The following SOX5 variants were observed in gnomAD, a reference collection of about 807,000 sequenced individuals.
SOX5 encodes the protein SRY-box transcription factor 5.
Under a neutral mutation model 92.0 loss-of-function variants are expected in SOX5, and 9 were observed. The observed-to-expected ratio is 0.10, with a 90% CI of 0.06 to 0.17. The LOEUF (loss-of-function observed/expected upper bound fraction) is 0.17, where lower values mean the gene tolerates loss of function less well. Ranked by LOEUF, SOX5 falls within the 10% of genes least tolerant of loss-of-function variation. The probability of loss-of-function intolerance (pLI) is 1.00; values close to 1 mark genes in which losing one functional copy is unlikely to be tolerated. For missense variants in SOX5, 642 were observed against 944.5 expected (o/e 0.68, Z 4.20); for synonymous variants, 344 against 336.3 (o/e 1.02, Z -0.25).
intron 3 of SOX5, among the ~76,000 whole-genome samples, chr12:24,264,304 G>A (rs1273832137): frequency 1.3e-5 from 2 of 152,062 alleles, no homozygotes; most frequent in Non-Finnish European, 2.9e-5. Context: ...TTCTAAAATA[G>A]CTAGTAAATC....
rs200463768 is a variant in SOX5 at position 24,006,944 on chromosome 12, GCC to G, written c.-1-110922_-1-110921del. Among the ~76,000 whole-genome samples, 637 of 151,358 alleles carry G rather than the reference GCC, an allele frequency of 4.2e-3. 4 individuals carry two copies. Among genetic ancestry groups the G allele is most frequent in the Middle Eastern group, 0.01 (3 of 292 alleles). Reference sequence around the variant, plus strand: ...AGGTCAGGAATTCGAGACCAGCCTGGCCAACATGGTGAAACCCCGTGTCTACA... The same window carrying G: ...AGGTCAGGAATTCGAGACCAGCCTGGAACATGGTGAAACCCCGTGTCTACA... On this transcript the variant is annotated intron_variant, in intron 4 of 4. Transcript: ENST00000446891.
chr12:23,558,927 A>C (rs1945723260), intron 11 of SOX5, among the ~76,000 whole-genome samples: 1 of 152,172 alleles, frequency 6.6e-6, no homozygotes, highest in African/African-American at 2.4e-5. Context: ...AAGCTACTAC[A>C]TTCAGGTTTC....
chr12:24,299,343 C>A (rs1254796323), intron 2 of SOX5, among the ~76,000 whole-genome samples: 1 of 152,170 alleles, frequency 6.6e-6, no homozygotes, highest in Non-Finnish European at 1.5e-5. Context: ...TGGGAAAAAA[C>A]AGACCCAAGT....
intron 2 of SOX5, among the ~76,000 whole-genome samples, chr12:24,281,237 G>GAA (rs71448005): frequency 0.048 from 4,690 of 97,160 alleles, 161 homozygotes; most frequent in African/African-American, 0.1. Flanking sequence ...TTACCAAAAG[G>GAA]AAAAAAAAAA....
At chr12:24,185,442 A>G (rs1278800117) in intron 4 of SOX5, among the ~76,000 whole-genome samples, 1 of 152,124 alleles carries the variant, frequency 6.6e-6, no homozygotes, top group African/African-American at 2.4e-5. Flanking sequence ...CATAGCACTT[A>G]CCACATTCTA....
chr12:23,947,423 A>C (rs1944766439), intron 1 of SOX5, among the ~76,000 whole-genome samples: 1 of 151,966 alleles, frequency 6.6e-6, no homozygotes, highest in South Asian at 2.1e-4. Context: ...TAAATATTCA[A>C]TATTGTGTCT....
At chr12:23,905,731 T>C (rs1160217841) in intron 1 of SOX5, among the ~76,000 whole-genome samples, 7 of 152,170 alleles carry the variant, frequency 4.6e-5, no homozygotes, top group African/African-American at 1.4e-4. Context: ...TATGTACAAA[T>C]GTGCTTTCAT....
At chr12:24,239,632 G>T (rs1041313830) in intron 3 of SOX5, among the ~76,000 whole-genome samples, 10 of 152,120 alleles carry the variant, frequency 6.6e-5, no homozygotes, top group African/African-American at 2.4e-4. Context: ...TTATCTGGTC[G>T]CATTAAACTG....
chr12:24,208,418 T>C (rs1333164443), intron 4 of SOX5, among the ~76,000 whole-genome samples: 1 of 152,214 alleles, frequency 6.6e-6, no homozygotes, highest in Non-Finnish European at 1.5e-5. Flanking sequence ...TTATAGTCAC[T>C]ATTTTCCTTT....
intron 2 of SOX5, among the ~76,000 whole-genome samples, chr12:23,876,707 C>A (rs951342984): frequency 3.3e-5 from 5 of 152,132 alleles, no homozygotes; most frequent in African/African-American, 1.2e-4. Flanking sequence ...ATGTTTATTG[C>A]AGCACTATTC....
At chr12:24,530,103 TCAA>T (rs1377740146) in intron 1 of SOX5, among the ~76,000 whole-genome samples, 6 of 146,810 alleles carry the variant, frequency 4.1e-5, no homozygotes, top group Non-Finnish European at 6.0e-5. Context: ...CATAAACCCA[TCAA>T]CAAAAATAAC....
Position 24,511,883 on chromosome 12 carries a change from G to A in SOX5, c.-251+50446C>T, listed in dbSNP as rs373196597. ...TGAGGCAGGAGAATGGTGTGAACCCGGGATGTGGATCTTGAAGTGAGCCCA... is the reference window on the plus strand; with the variant it reads ...TGAGGCAGGAGAATGGTGTGAACCCAGGATGTGGATCTTGAAGTGAGCCCA... On this transcript the variant is annotated intron_variant, in intron 1 of 4. Coordinates refer to the SOX5 transcript ENST00000446891. Among the ~76,000 whole-genome samples, 167 of 151,790 alleles carry A rather than the reference G, an allele frequency of 1.1e-3. 3 individuals carry two copies. The South Asian group carries it at 0.02, about 19-fold the overall frequency.
At chr12:24,046,697 G>C (rs1274890121) in intron 4 of SOX5, among the ~76,000 whole-genome samples, 3 of 127,090 alleles carry the variant, frequency 2.4e-5, no homozygotes, top group Non-Finnish European at 4.9e-5. Flanking sequence ...TTTTGAGACA[G>C]AGTCTTGCTC....
intron 4 of SOX5, among the ~76,000 whole-genome samples, chr12:24,123,678 T>C (rs542521586): frequency 6.6e-6 from 1 of 152,376 alleles, no homozygotes; most frequent in East Asian, 1.9e-4. Context: ...TTTCTTCTTA[T>C]TCCTTGTCCC....
chr12:24,009,724 C>G (rs1354316914), intron 4 of SOX5, among the ~76,000 whole-genome samples: 1 of 151,982 alleles, frequency 6.6e-6, no homozygotes, highest in East Asian at 1.9e-4. Context: ...GGTATTTAGT[C>G]AAGAATATTT....
chr12:23,659,623 T>C (rs905179841), intron 7 of SOX5, among the ~76,000 whole-genome samples: 1 of 152,222 alleles, frequency 6.6e-6, no homozygotes, highest in South Asian at 2.1e-4. Context: ...AAAACTCATA[T>C]GATGTTTCTC....
chr12:24,149,511 C>A (rs1269362428), intron 4 of SOX5, among the ~76,000 whole-genome samples: 1 of 152,052 alleles, frequency 6.6e-6, no homozygotes, highest in Non-Finnish European at 1.5e-5. Flanking sequence ...TAAACCTATC[C>A]ATTAGAATGA....
intron 4 of SOX5, among the ~76,000 whole-genome samples, chr12:23,991,737 C>T (rs1261059594): frequency 7.2e-6 from 1 of 138,896 alleles, no homozygotes; most frequent in East Asian, 2.1e-4. Flanking sequence ...ACCAGACAGA[C>T]AAATACAGGA....
At chr12:23,620,205 A>T (rs1380337801) in intron 8 of SOX5, among the ~76,000 whole-genome samples, 1 of 152,112 alleles carries the variant, frequency 6.6e-6, no homozygotes, top group Non-Finnish European at 1.5e-5. Flanking sequence ...AGGAAACATG[A>T]CAAGTTTGTA....
Sources: allele counts gnomAD v4.1 joint callset (sites outside exome capture counted in the v4.1 genomes callset), GRCh38; gene constraint gnomAD v4.1.1; transcripts MANE v1.5; gene names NCBI Gene and HGNC (gene_info 2026-07-23, HGNC 2026-07-21).